TRIQK: variants seen among roughly 807,000 people sequenced by gnomAD.
The protein encoded by TRIQK is triple QxxK/R motif containing, also known as triple QxxK/R motif-containing protein.
TRIQK carries 10 observed loss-of-function variants against 10.8 expected under a neutral mutation model. That is an observed-to-expected ratio of 0.92 (90% CI 0.57 to 1.57). The LOEUF is 1.57. Ranked by LOEUF, TRIQK falls within the 40% of genes most tolerant of loss-of-function variation. TRIQK has a pLI of 0.00. For missense variants in TRIQK, 107 were observed against 97.7 expected, an observed-to-expected ratio of 1.09 and a Z score of -0.40; for synonymous variants, 33 against 33.7, an observed-to-expected ratio of 0.98 and a Z score of 0.07.
intron 1 of TRIQK, among the ~76,000 whole-genome samples, chr8:92,989,260 T>C (rs147323475): frequency 1.2e-3 from 190 of 152,330 alleles, no homozygotes; most frequent in African/African-American, 4.3e-3. Flanking sequence ...GAATAAAATA[T>C]GTCAGAATAC....
intron 4 of TRIQK, 164 bp from the exon 5 acceptor site, chr8:92,886,899 G>C: frequency 2.1e-6 from 1 of 485,180 alleles, no homozygotes; most frequent in South Asian, 2.9e-5. Context: ...TTAAGAAACT[G>C]TTTTGTACTG....
intron 3 of TRIQK, among the ~76,000 whole-genome samples, chr8:92,893,620 T>A (rs924045816): frequency 2.6e-5 from 4 of 152,068 alleles, no homozygotes; most frequent in Non-Finnish European, 5.9e-5. Context: ...TGACAAGTGT[T>A]CACTCTAATT....
At chr8:92,995,112 T>C (rs564725652) in intron 1 of TRIQK, among the ~76,000 whole-genome samples, 2 of 152,198 alleles carry the variant, frequency 1.3e-5, no homozygotes, top group African/African-American at 4.8e-5. Flanking sequence ...TTTTCTCACA[T>C]AGATCACCTA....
chr8:92,948,754 T>C (rs1811680152), intron 2 of TRIQK, among the ~76,000 whole-genome samples: 1 of 152,162 alleles, frequency 6.6e-6, no homozygotes, highest in African/African-American at 2.4e-5. Context: ...CAAAAGACAA[T>C]TATGTTAATT....
rs193225937 is a variant in TRIQK, at chr8:92,957,076, G to T, written c.-180-2512C>A. Among the ~76,000 whole-genome samples the T allele has an allele frequency of 1.2e-3, 183 of 151,806 alleles. 2 individuals are homozygous for T. Among genetic ancestry groups the T allele is most frequent in the Non-Finnish European group, 4.4e-5 (3 of 67,764 alleles). On this transcript the variant is annotated intron_variant, in intron 1 of 4. Transcript: ENST00000521988. ...TTGCCCAAGCATGCAAAGTTGACAG[G>T]GAAAGTAGCAGAGATTAGAACTCAA...
rs775145408 is a variant in TRIQK at position 92,949,678 on chromosome 8, AAG to A, written c.-22+4726_-22+4727del. On this transcript the variant is annotated intron_variant, in intron 2 of 4. Transcript: ENST00000521988. ...GGAAGGAAAGAAAGAGAAGGAAAGAAAGAAAGAAAGAAAGAAAGAAAAGAGAA... is the reference window on the plus strand; with the variant it reads ...GGAAGGAAAGAAAGAGAAGGAAAGAAAAAGAAAGAAAGAAAGAAAAGAGAA... 5.4e-3 allele frequency among the ~76,000 whole-genome samples: 537 copies of A among 98,806 alleles called. 16 individuals are homozygous for A. Among genetic ancestry groups the A allele is most frequent in the Non-Finnish European group, 7.7e-3 (401 of 51,850 alleles). The allele number at this position is 98,806 out of a possible 152,430, so 64.8% of individuals were successfully genotyped here.
chr8:92,979,041 C>T (rs1439696659), intron 1 of TRIQK, among the ~76,000 whole-genome samples: 1 of 152,196 alleles, frequency 6.6e-6, no homozygotes, highest in East Asian at 1.9e-4. Flanking sequence ...AGAATTTGGA[C>T]AGGATTCAGC....
chr8:92,937,422 T>C (rs1811047532), intron 2 of TRIQK, among the ~76,000 whole-genome samples: 1 of 151,872 alleles, frequency 6.6e-6, no homozygotes, highest in Non-Finnish European at 1.5e-5. Context: ...TTCTTGACAG[T>C]ATATTGCTGG....
intron 1 of TRIQK, among the ~76,000 whole-genome samples, chr8:92,981,936 A>T (rs1170020168): frequency 6.6e-6 from 1 of 151,802 alleles, no homozygotes; most frequent in African/African-American, 2.4e-5. Context: ...TGGAGCATTT[A>T]CCTAGTGTGC....
intron 2 of TRIQK, among the ~76,000 whole-genome samples, chr8:92,925,867 G>A (rs1205039534): frequency 1.3e-5 from 2 of 152,270 alleles, no homozygotes; most frequent in East Asian, 1.9e-4. Flanking sequence ...AGAGATAAAT[G>A]TATATGGTTA....
chr8:93,016,880 G>A (rs1404551997), intron 1 of TRIQK, among the ~76,000 whole-genome samples: 1 of 151,902 alleles, frequency 6.6e-6, no homozygotes, highest in African/African-American at 2.4e-5. Flanking sequence ...AGCACAGAAG[G>A]GATGAATTAA....
chr8:92,898,670 A>C (rs1302030159), intron 3 of TRIQK, among the ~76,000 whole-genome samples: 1 of 151,732 alleles, frequency 6.6e-6, no homozygotes. Flanking sequence ...TCATTCATTT[A>C]CAATTTTTAT....
chr8:93,006,892 G>A (rs1813278971), intron 1 of TRIQK, among the ~76,000 whole-genome samples: 1 of 152,326 alleles, frequency 6.6e-6, no homozygotes, highest in South Asian at 2.1e-4. Flanking sequence ...GGTGGCCACG[G>A]TCTCTGTGGA....
chr8:92,955,307 T>G (rs1324932623), intron 1 of TRIQK, among the ~76,000 whole-genome samples: 1 of 151,806 alleles, frequency 6.6e-6, no homozygotes, highest in Non-Finnish European at 1.5e-5. Flanking sequence ...GGGGTTACTT[T>G]TAAATAGTGT....
At chr8:92,969,775 T>TA (rs1278814560), upstream of TRIQK, among the ~76,000 whole-genome samples, 141 of 139,988 alleles carry the variant, frequency 1.0e-3, no homozygotes, top group African/African-American at 4.1e-3. Flanking sequence ...TTTCTTTTTT[T>TA]AAAAAAAATT....
At chr8:92,947,547 G>C (rs1586477653) in intron 2 of TRIQK, among the ~76,000 whole-genome samples, 1 of 126,088 alleles carries the variant, frequency 7.9e-6, no homozygotes, top group Non-Finnish European at 1.6e-5. Flanking sequence ...TTGCGCCATT[G>C]CATTCTAGCC....
At chr8:92,965,476 G>A (rs1812688744) in intron 1 of TRIQK, 1 of 152,264 alleles carries the variant, frequency 6.6e-6, no homozygotes, top group South Asian at 2.1e-4. Flanking sequence ...TTAATAAGAG[G>A]AAGCAGGAAA....
intron 2 of TRIQK, among the ~76,000 whole-genome samples, chr8:92,940,237 C>T (rs1213416803): frequency 1.3e-5 from 2 of 151,812 alleles, no homozygotes; most frequent in East Asian, 3.9e-4. Context: ...GAAGCCAGGG[C>T]TGTCTTCTCA....
At chr8:93,016,132 T>C (rs1813382774) in intron 1 of TRIQK, among the ~76,000 whole-genome samples, 1 of 152,164 alleles carries the variant, frequency 6.6e-6, no homozygotes, top group South Asian at 2.1e-4. Context: ...AGAGCTTCAG[T>C]AAGGACTCAC....
Sources: allele counts gnomAD v4.1 joint callset (sites outside exome capture counted in the v4.1 genomes callset), GRCh38; gene constraint gnomAD v4.1.1; transcripts MANE v1.5; gene names NCBI Gene and HGNC (gene_info 2026-07-23, HGNC 2026-07-21).